Variants in DCC observed in about 807,000 individuals in gnomAD.
DCC encodes DCC netrin 1 receptor, also known as netrin receptor DCC.
A neutral mutation model predicts 172.5 loss-of-function variants in DCC; 58 were observed. That is an observed-to-expected ratio of 0.34 (90% CI 0.27 to 0.42). DCC has a LOEUF of 0.42. DCC is among the 10% of genes least tolerant of loss of function. The probability of loss-of-function intolerance (pLI) is 1.00; values close to 1 mark genes in which losing one functional copy is unlikely to be tolerated. For missense variants in DCC, 1,740 were observed against 1,791.0 expected, an observed-to-expected ratio of 0.97 and a Z score of 0.51; for synonymous variants, 709 against 644.5, an observed-to-expected ratio of 1.10 and a Z score of -1.52.
At chr18:52,717,184 T>A (rs1220011165) in intron 1 of DCC, among the ~76,000 whole-genome samples, 2 of 152,166 alleles carry the variant, frequency 1.3e-5, no homozygotes, top group East Asian at 1.9e-4. Context: ...AGGAAGAGAC[T>A]ATTCCACAAC....
chr18:53,110,655 C>T (rs1020133531), intron 7 of DCC, among the ~76,000 whole-genome samples: 18 of 148,922 alleles, frequency 1.2e-4, no homozygotes, highest in East Asian at 2.0e-4. Flanking sequence ...AAAATGCTCA[C>T]CATCACTGGC....
chr18:53,218,268 G>A (rs923754466), intron 12 of DCC, among the ~76,000 whole-genome samples: 4 of 152,020 alleles, frequency 2.6e-5, no homozygotes, highest in Non-Finnish European at 5.9e-5. Context: ...TTTATTGATA[G>A]TAAATGAAAT....
At chr18:52,496,113 G>C (rs1200726083) in intron 1 of DCC, among the ~76,000 whole-genome samples, 3 of 152,088 alleles carry the variant, frequency 2.0e-5, no homozygotes, top group Non-Finnish European at 4.4e-5. Context: ...TACTTATCCT[G>C]ATTACAAACC....
chr18:52,803,148 T>C (rs565065776), intron 2 of DCC, among the ~76,000 whole-genome samples: 29 of 152,200 alleles, frequency 1.9e-4, no homozygotes, highest in Non-Finnish European at 3.2e-4. Context: ...TTGGGAACAC[T>C]TTGAACATCA....
chr18:52,794,489 T>A (rs28857601), intron 2 of DCC, among the ~76,000 whole-genome samples: 6,558 of 152,188 alleles, frequency 0.043, 221 homozygotes, highest in South Asian at 0.16. Context: ...TTGTATGTTG[T>A]TTTTGTATAT....
chr18:52,413,021 G>A (rs761080515), intron 1 of DCC, among the ~76,000 whole-genome samples: 26 of 152,048 alleles, frequency 1.7e-4, no homozygotes, highest in Middle Eastern at 3.4e-3. Context: ...TCTATAGGTT[G>A]ACTTTAGATT....
Position 53,037,172 on chromosome 18 carries a change from G to T in DCC, c.986-26133G>T, listed in dbSNP as rs975674957. The stretch of plus-strand genomic sequence containing the variant: ...TAAAGAGTTCCATCCCACAGCTAGA[G>T]ATTAAACTGCAAGTGAAGCCATCCT... On this transcript the variant is annotated intron_variant, in intron 5 of 28. Coordinates refer to ENST00000442544, the MANE Select transcript of DCC (RefSeq NM_005215.4). Among the ~76,000 whole-genome samples the T allele has an allele frequency of 7.9e-5, 12 of 152,092 alleles. No individual in the cohort carries two copies. The East Asian group carries it at 2.3e-3, about 30-fold the overall frequency.
chr18:53,381,196 A>T (rs1907700797), intron 15 of DCC, among the ~76,000 whole-genome samples: 1 of 152,198 alleles, frequency 6.6e-6, no homozygotes, highest in Admixed American at 6.5e-5. Context: ...TTGTATTCTC[A>T]GTACCAAGTA....
At chr18:52,358,660 C>T (rs1260464032) in intron 1 of DCC, among the ~76,000 whole-genome samples, 2 of 152,170 alleles carry the variant, frequency 1.3e-5, no homozygotes, top group East Asian at 3.9e-4. Flanking sequence ...TGATACTCTC[C>T]ACCCTCTAAA....
intron 12 of DCC, among the ~76,000 whole-genome samples, chr18:53,220,257 A>G (rs2055912291): frequency 6.6e-6 from 1 of 151,992 alleles, no homozygotes; most frequent in Admixed American, 6.6e-5. Context: ...GGTTATTCAG[A>G]AGGGGTTTCA....
chr18:52,853,089 T>C (rs189742895), intron 2 of DCC, among the ~76,000 whole-genome samples: 34 of 152,248 alleles, frequency 2.2e-4, no homozygotes, highest in East Asian at 1.4e-3. Flanking sequence ...TCAATTCCAC[T>C]CCTAAGATCA....
intron 2 of DCC, among the ~76,000 whole-genome samples, chr18:52,765,320 C>T (rs2037229185): frequency 6.6e-6 from 1 of 151,444 alleles, no homozygotes; most frequent in Non-Finnish European, 1.5e-5. Context: ...GCTAGGATTA[C>T]AGGCATAAGC....
intron 7 of DCC, among the ~76,000 whole-genome samples, chr18:53,138,303 C>T (rs2043777761): frequency 1.3e-5 from 2 of 152,068 alleles, no homozygotes; most frequent in South Asian, 4.2e-4. Flanking sequence ...AAAATAAGAC[C>T]TATAATTTGC....
intron 5 of DCC, among the ~76,000 whole-genome samples, chr18:52,967,253 C>T (rs2040949132): frequency 6.6e-6 from 1 of 152,110 alleles, no homozygotes; most frequent in Admixed American, 6.6e-5. Flanking sequence ...TACTTCATGG[C>T]CTCATTCTTT....
At chr18:53,423,517 A>G (rs1910748360) in intron 21 of DCC, among the ~76,000 whole-genome samples, 1 of 152,128 alleles carries the variant, frequency 6.6e-6, no homozygotes, top group South Asian at 2.1e-4. Flanking sequence ...TTTCACAACT[A>G]CATGCTGTAA....
chr18:53,014,954 A>C lies in DCC; in HGVS notation c.986-48351A>C, dbSNP rs114051056. ...TTCAAGAAAATCCTTTATGTATCTT[A>C]TTTAATATGTGTTCTTCCCCTACAC... On this transcript the variant is annotated intron_variant, in intron 5 of 28. Coordinates refer to ENST00000442544, the MANE Select transcript of DCC (RefSeq NM_005215.4). Among the ~76,000 whole-genome samples the C allele has an allele frequency of 1.9e-3, 294 of 152,262 alleles. 2 individuals are homozygous for C. Among genetic ancestry groups the C allele is most frequent in the African/African-American group, 6.5e-3 (270 of 41,566 alleles).
chr18:52,386,402 T>C (rs1985801087), intron 1 of DCC, among the ~76,000 whole-genome samples: 1 of 152,116 alleles, frequency 6.6e-6, no homozygotes, highest in African/African-American at 2.4e-5. Flanking sequence ...CATTAGGGGA[T>C]TTTGGTAATC....
At chr18:53,244,348 C>A (rs1479920032) in intron 12 of DCC, among the ~76,000 whole-genome samples, 1 of 152,072 alleles carries the variant, frequency 6.6e-6, no homozygotes, top group Non-Finnish European at 1.5e-5. Flanking sequence ...CCATGCAATC[C>A]TCAGGATAAT....
intron 12 of DCC, among the ~76,000 whole-genome samples, chr18:53,294,126 C>T (rs1229229929): frequency 6.6e-6 from 1 of 151,990 alleles, no homozygotes; most frequent in Non-Finnish European, 1.5e-5. Context: ...GTCAATTTCC[C>T]AAAATCAATT....
Sources: allele counts gnomAD v4.1 joint callset (sites outside exome capture counted in the v4.1 genomes callset), GRCh38; gene constraint gnomAD v4.1.1; transcripts MANE v1.5; gene names NCBI Gene and HGNC (gene_info 2026-07-23, HGNC 2026-07-21).